Variants in HMCES observed in about 807,000 individuals in gnomAD.
HMCES encodes abasic site processing protein HMCES.
In HMCES, 27 loss-of-function variants were observed where a neutral mutation model predicts 35.1. The observed-to-expected ratio is 0.77, with a 90% CI of 0.57 to 1.06. The LOEUF (loss-of-function observed/expected upper bound fraction) is 1.06. Among genes scored for constraint, HMCES ranks in the 50% least tolerant of loss-of-function variants. The probability of loss-of-function intolerance (pLI) is 0.00; values close to 1 mark genes in which losing one functional copy is unlikely to be tolerated. For synonymous variants in HMCES, 130 were observed against 154.7 expected (o/e 0.84, Z 1.18); for missense variants, 391 against 430.4 (o/e 0.91, Z 0.81).
At chr3:129,288,830 C>G (rs376055892) in intron 2 of HMCES, 24 bp from the exon 3 acceptor site, 3 of 1,473,902 alleles carry the variant, frequency 2.0e-6, no homozygotes, top group Non-Finnish European at 2.8e-6. Flanking sequence ...ATGATCTCCT[C>G]ACTAGATCTT....
At chr3:129,302,621 G>A (rs2071183377) in intron 6 of HMCES, among the ~76,000 whole-genome samples, 1 of 152,184 alleles carries the variant, frequency 6.6e-6, no homozygotes, top group South Asian at 2.1e-4. Context: ...GGAGGCTGAG[G>A]CAGGAGAATC....
chr3:129,298,844 GAAAT>G (rs906925292), intron 5 of HMCES, among the ~76,000 whole-genome samples: 1 of 152,146 alleles, frequency 6.6e-6, no homozygotes, highest in Non-Finnish European at 1.5e-5. Flanking sequence ...AGGTGGTTAA[GAAAT>G]AAATAAATAC....
intron 2 of HMCES, among the ~76,000 whole-genome samples, chr3:129,286,512 G>A (rs1049633655): frequency 6.6e-6 from 1 of 152,166 alleles, no homozygotes; most frequent in Non-Finnish European, 1.5e-5. Context: ...CTCAATGGGA[G>A]GAGTGTCAGA....
At chr3:129,294,960 A>G (rs1478820442) in intron 4 of HMCES, among the ~76,000 whole-genome samples, 1 of 152,080 alleles carries the variant, frequency 6.6e-6, no homozygotes, top group Non-Finnish European at 1.5e-5. Flanking sequence ...AATCGAGACC[A>G]TCTTGGCTAA....
chr3:129,280,057 C>T (rs1940426840), intron 2 of HMCES, 142 bp downstream of exon 2: 1 of 640,866 alleles, frequency 1.6e-6, no homozygotes. Flanking sequence ...TTGAGAACCT[C>T]TCTTGGCCTC....
intron 2 of HMCES, among the ~76,000 whole-genome samples, chr3:129,288,388 C>T (rs1940696473): frequency 6.6e-6 from 1 of 152,214 alleles, no homozygotes; most frequent in South Asian, 2.1e-4. Flanking sequence ...TTACCTACAT[C>T]ATGATAAGTC....
intron 5 of HMCES, among the ~76,000 whole-genome samples, chr3:129,300,058 C>G (rs1017688142): frequency 6.6e-6 from 1 of 151,414 alleles, no homozygotes; most frequent in Admixed American, 6.6e-5. Flanking sequence ...GGATCTTTTA[C>G]TATTTCAAGC....
chr3:129,301,219 A>G (rs200752666), intron 5 of HMCES, among the ~76,000 whole-genome samples: 1 of 147,862 alleles, frequency 6.8e-6, no homozygotes, highest in Admixed American at 6.8e-5. Context: ...AGAAAAAAAA[A>G]AAAATATGCT....
chr3:129,303,228 A>G (rs1429094534), intron 6 of HMCES, among the ~76,000 whole-genome samples: 1 of 152,166 alleles, frequency 6.6e-6, no homozygotes, highest in African/African-American at 2.4e-5. Context: ...ATTTAGGAGT[A>G]GTGATTGTTT....
intron 5 of HMCES, among the ~76,000 whole-genome samples, chr3:129,301,191 CAAA>C (rs11402453): frequency 1.1e-5 from 1 of 92,974 alleles, no homozygotes; most frequent in Non-Finnish European, 2.1e-5. Context: ...GACTCTGTCT[CAAA>C]AAAAAAAAAA....
At position 129,305,376 on chromosome 3, in the gene HMCES, A is replaced by G. The variant is rs2071221812; in HGVS notation, c.*551A>G. ...TTTCTTCTAGAATCAGTCTTCAGGA[A>G]TGGATTTTGTCACAAATGGGGCATG... On this transcript the variant is annotated 3_prime_UTR_variant, in exon 7 of 7. Transcript: ENST00000383463. 1 of 152,092 alleles carries G rather than the reference A, an allele frequency of 6.6e-6. No individual in the cohort carries two copies. The allele number at this position is 152,092 out of a possible 1,614,324, so 9.4% of individuals were successfully genotyped here. A position where few individuals can be genotyped will look rare whatever the true frequency, so the allele number is the denominator to read the frequency against.
rs765476028 is a variant in HMCES at position 129,305,064 on chromosome 3, G to A, written c.*239G>A. ...CATGTGGGCCCCATAGGGGCACTGC[G>A]CCTGCTGCCCTTTCCTGGCAGGGCT... On this transcript the variant is annotated 3_prime_UTR_variant, in exon 7 of 7. Transcript: ENST00000383463. The A allele has an allele frequency of 7.4e-5, 41 of 552,128 alleles. No individual in the cohort carries two copies. The highest frequency in any genetic ancestry group is 1.2e-4 in the Non-Finnish European group (36 of 310,438). The allele number at this position is 552,128 out of a possible 1,614,324, so 34.2% of individuals were successfully genotyped here. A position where few individuals can be genotyped will look rare whatever the true frequency, so the allele number is the denominator to read the frequency against.
intron 4 of HMCES, among the ~76,000 whole-genome samples, chr3:129,294,431 T>A (rs950705940): frequency 8.6e-5 from 13 of 151,984 alleles, no homozygotes; most frequent in South Asian, 2.1e-4. Context: ...TCAAAAAAAA[T>A]AATAAATAAA....
At chr3:129,291,668 C>T (rs776270838) in intron 4 of HMCES, among the ~76,000 whole-genome samples, 4 of 152,176 alleles carry the variant, frequency 2.6e-5, no homozygotes, top group Non-Finnish European at 5.9e-5. Context: ...CTGCTATGAA[C>T]ATTCATGTAC....
chr3:129,283,872 C>G (rs767591667), intron 2 of HMCES, among the ~76,000 whole-genome samples: 3 of 152,200 alleles, frequency 2.0e-5, no homozygotes, highest in Non-Finnish European at 2.9e-5. Context: ...ATCCTCCCCA[C>G]TTGGCCTACC....
At position 129,306,041 on chromosome 3, in the gene HMCES, T is replaced by A. The variant is rs2071230094; in HGVS notation, c.*1216T>A. 1 of 152,242 alleles carries A rather than the reference T, an allele frequency of 6.6e-6. No homozygotes were observed. Among genetic ancestry groups the A allele is most frequent in the African/African-American group, 2.4e-5 (1 of 41,476 alleles). The allele number at this position is 152,242 out of a possible 1,614,324, so 9.4% of individuals were successfully genotyped here. A position where few individuals can be genotyped will look rare whatever the true frequency, so the allele number is the denominator to read the frequency against. ...CCCGTAGTTGTACACTCAGTCACCC[T>A]GCACTGTGGAGGCGGGGGCCTCCCT... is the stretch of plus-strand genomic sequence containing the variant. On this transcript the variant is annotated 3_prime_UTR_variant, in exon 7 of 7. Transcript: ENST00000383463.
At position 129,298,364 on chromosome 3, in the gene HMCES, T is replaced by C. The variant is rs757133017; in HGVS notation, c.464T>C (p.Ile155Thr). 5.6e-6 allele frequency: 9 copies of C among 1,614,056 alleles called. No homozygotes were observed. The South Asian group carries it at 6.6e-5, about 12-fold the overall frequency. ...PQIKTEKSGSIGAADSPENWE... is the reference protein window; with the variant it reads ...PQIKTEKSGSTGAADSPENWE... ...ATATTTTGCTTCCAGTCAGGTAGCA[T>C]TGGTGCTGCAGATAGTCCTGAGAAC... Residue 155 changes from isoleucine (I) to threonine (T), a missense_variant, in exon 5 of 7, where the codon ATT becomes ACT. By Grantham distance (89) the Ile-to-Thr change is moderately conservative (BLOSUM62 -1). Transcript: ENST00000383463.
At chr3:129,297,274 G>C (rs984327467) in intron 4 of HMCES, among the ~76,000 whole-genome samples, 3 of 151,942 alleles carry the variant, frequency 2.0e-5, no homozygotes, top group African/African-American at 7.3e-5. Flanking sequence ...GCAGTTCTCC[G>C]TTCAGTCTAT....
rs892376213 is a variant in HMCES at position 129,278,899 on chromosome 3, GGGCGA to G, written c.-27_-24+1del. The G allele has an allele frequency of 6.6e-6, 1 of 152,326 alleles. No individual in the cohort carries two copies. Among genetic ancestry groups the G allele is most frequent in the Non-Finnish European group, 1.5e-5 (1 of 68,350 alleles). The allele number at this position is 152,326 out of a possible 1,614,324, so 9.4% of individuals were successfully genotyped here. A position where few individuals can be genotyped will look rare whatever the true frequency, so the allele number is the denominator to read the frequency against. ...TCGAGGGAGGTGACGCGCGCTGCCG[GGGCGA>G]GGTGAGGGGAGGGGAGGCGACGCGG... is the stretch of plus-strand genomic sequence containing the variant. On this transcript the variant is annotated splice_region_variant and 5_prime_UTR_variant, in exon 1 of 7. Transcript: ENST00000383463.
Sources: gnomAD v4.1 joint callset for allele counts (sites outside exome capture counted in the v4.1 genomes callset) on GRCh38, gnomAD v4.1.1 for gene constraint, MANE v1.5 for transcripts, NCBI Gene and HGNC (gene_info 2026-07-23, HGNC 2026-07-21) for gene names.